The following TCTN1 variants were observed in gnomAD, a reference collection of about 807,000 sequenced individuals.
TCTN1 encodes tectonic family member 1, also known as tectonic-1.
In TCTN1, 58 loss-of-function variants were observed where a neutral mutation model predicts 65.8. The ratio of observed to expected loss-of-function variants is 0.88; its 90% CI spans 0.71 to 1.10. TCTN1 has a LOEUF of 1.10. TCTN1 is among the 50% of genes least tolerant of loss of function. The probability of loss-of-function intolerance (pLI) is 0.00; values close to 1 mark genes in which losing one functional copy is unlikely to be tolerated. For missense variants in TCTN1, 645 were observed against 719.4 expected (o/e 0.90, Z 1.18); for synonymous variants, 273 against 289.1 (o/e 0.94, Z 0.57).
chr12:110,622,141 AAAT>A (rs796163780), intron 2 of TCTN1, among the ~76,000 whole-genome samples: 1 of 149,832 alleles, frequency 6.7e-6, no homozygotes, highest in East Asian at 1.9e-4. Flanking sequence ...CCATAAAAAA[AAAT>A]AATAATAATA....
At chr12:110,648,796 GTTTATTTTATACAGTAGTTGT>G (rs1168597717) in intron 14 of TCTN1, 116 of 309,302 alleles carry the variant, frequency 3.8e-4, no homozygotes, top group African/African-American at 2.4e-3. Flanking sequence ...AAAAGAGAGA[GTTTATTTTATACAGTAGTTGT>G]TTTATTTTAT....
chr12:110,617,081 G>A (rs1000128821), intron 1 of TCTN1, among the ~76,000 whole-genome samples: 3 of 152,046 alleles, frequency 2.0e-5, no homozygotes, highest in Non-Finnish European at 1.5e-5. Flanking sequence ...TGCCTATAAG[G>A]GCTTTAAGTT....
In TCTN1 at chr12:110,634,430, A is replaced by C. The variant is rs1342015143; in HGVS notation, c.713-240A>C. 1.3e-5 allele frequency: 7 copies of C among 558,056 alleles called. No individual in the cohort carries two copies. The Admixed American group carries it at 1.5e-4, about 12-fold the overall frequency. 34.6% of individuals were successfully genotyped at this position (558,056 alleles called of 1,614,324 possible). A position where few individuals can be genotyped will look rare whatever the true frequency, so the allele number is the denominator to read the frequency against. On this transcript the variant is annotated intron_variant, in intron 5 of 14. Coordinates refer to ENST00000397659, the MANE Select transcript of TCTN1 (RefSeq NM_001082538.3). ...ACTGGTTCACACCTGTAATCCCAGCACTCTGGGAGGCCGAGGCGAGAGGAT... is the reference window on the plus strand; with the variant it reads ...ACTGGTTCACACCTGTAATCCCAGCCCTCTGGGAGGCCGAGGCGAGAGGAT...
chr12:110,629,185 G>C, intron 4 of TCTN1: 1 of 539,898 alleles, frequency 1.9e-6, no homozygotes. Flanking sequence ...ATAGACATGG[G>C]CAAAGACATC....
rs2067406469 is a variant in TCTN1, at chr12:110,647,432, A to G, written c.1635+96A>G. 4 of 1,513,632 alleles carry G rather than the reference A, an allele frequency of 2.6e-6. No individual in the cohort carries two copies. In the South Asian group the frequency reaches 3.4e-5, roughly 13 times the overall value. The allele number at this position is 1,513,632 out of a possible 1,614,324, so 93.8% of individuals were successfully genotyped here. The stretch of plus-strand genomic sequence containing the variant: ...CAGGTATTACTTTGTGAAAAAGATT[A>G]TAATTTAAACCATGGGGGTTCATAA... On this transcript the variant is annotated intron_variant, in intron 13 of 14. Coordinates refer to ENST00000397659, the MANE Select transcript of TCTN1 (RefSeq NM_001082538.3).
At chr12:110,630,774 T>C (rs1205252986) in intron 4 of TCTN1, among the ~76,000 whole-genome samples, 1 of 152,258 alleles carries the variant, frequency 6.6e-6, no homozygotes. Flanking sequence ...ATAAATCATG[T>C]GCATCTTCCC....
intron 4 of TCTN1, 117 bp from the exon 5 acceptor site, chr12:110,632,355 T>C (rs987734321): frequency 1.0e-6 from 1 of 991,240 alleles, no homozygotes; most frequent in African/African-American, 1.6e-5. Flanking sequence ...ATCTGTTTTT[T>C]GCTCATCAGT....
chr12:110,641,519 G>A (rs1270109600), intron 9 of TCTN1, 23 bp from the exon 10 acceptor site: 5 of 1,600,866 alleles, frequency 3.1e-6, no homozygotes, highest in Admixed American at 3.3e-5. Flanking sequence ...ATTATTTGGG[G>A]GCATTTCTGC....
intron 2 of TCTN1, among the ~76,000 whole-genome samples, chr12:110,622,337 A>G (rs988785676): frequency 4.0e-5 from 6 of 151,634 alleles, no homozygotes; most frequent in Admixed American, 6.6e-5. Context: ...CTTTCTCCCA[A>G]CCTTTCTTGA....
At chr12:110,632,655 C>A in intron 5 of TCTN1, 96 bp downstream of exon 5, 1 of 1,247,934 alleles carries the variant, frequency 8.0e-7, no homozygotes, top group Non-Finnish European at 1.2e-6. Context: ...AAGTAATGAC[C>A]AAAATCGCAA....
In TCTN1 at chr12:110,622,004, G is replaced by A. The variant is rs1030182696; in HGVS notation, c.341+2048G>A. 8.8e-4 allele frequency among the ~76,000 whole-genome samples: 134 copies of A among 152,030 alleles called. 1 individual carries two copies. Among genetic ancestry groups the A allele is most frequent in the African/African-American group, 3.1e-3 (127 of 41,482 alleles). ...AATACAAAAATCAGCTGGGCGTGGT[G>A]GTGGGTGCCTGTAATCCCAGCTACT... On this transcript the variant is annotated intron_variant, in intron 2 of 14. Transcript: ENST00000397659.
At chr12:110,622,408 A>G (rs1338571882) in intron 2 of TCTN1, among the ~76,000 whole-genome samples, 1 of 152,158 alleles carries the variant, frequency 6.6e-6, no homozygotes, top group Admixed American at 6.5e-5. Context: ...CCTGCCTTCA[A>G]AGAGCTTACC....
At chr12:110,614,505 A>G (rs1427217409) in intron 1 of TCTN1, 103 bp downstream of exon 1, 1 of 1,539,388 alleles carries the variant, frequency 6.5e-7, no homozygotes, top group African/African-American at 1.4e-5. Context: ...TTGAGCACTT[A>G]CTGTGTGCAG....
Position 110,649,406 on chromosome 12 carries a change from G to C in TCTN1, c.*365G>C, listed in dbSNP as rs746773382. On this transcript the variant is annotated 3_prime_UTR_variant, in exon 15 of 15. Coordinates refer to ENST00000397659, the MANE Select transcript of TCTN1 (RefSeq NM_001082538.3). ...TCTTCTTTTTGAGGGGAGCTGGTCC[G>C]GGTCTAGTTCACTTCACCAAGAAGT... 6.2e-7 allele frequency: 1 copy of C among 1,605,988 alleles called. No homozygotes were observed. The highest frequency in any genetic ancestry group is 8.5e-7 in the Non-Finnish European group (1 of 1,174,296).
At chr12:110,635,386 G>C (rs886876672) in intron 6 of TCTN1, among the ~76,000 whole-genome samples, 9 of 152,176 alleles carry the variant, frequency 5.9e-5, no homozygotes, top group African/African-American at 2.2e-4. Flanking sequence ...GGCTGAGGCA[G>C]GAGGATCACT....
chr12:110,627,867 TTC>T, intron 3 of TCTN1: 1 of 619,618 alleles, frequency 1.6e-6, no homozygotes, highest in Non-Finnish European at 2.8e-6. Context: ...ATTTGTCAAA[TTC>T]TGTCATATTT....
At position 110,640,373 on chromosome 12, in the gene TCTN1, C is replaced by T. The variant is rs1565998186; in HGVS notation, c.844-10C>T. 3 of 1,614,138 alleles carry T rather than the reference C, an allele frequency of 1.9e-6. No homozygotes were observed. Among genetic ancestry groups the T allele is most frequent in the East Asian group, 4.5e-5 (2 of 44,884 alleles). On this transcript the variant is annotated splice_polypyrimidine_tract_variant and intron_variant, in intron 7 of 14. Transcript: ENST00000397659. The surrounding 1 kb of genome is among the most constrained non-coding windows in gnomAD (Gnocchi z 4.9). ...GAGCATCTTCAACACTCCAGGTCTT[C>T]ACTCTGCAGGTCCCTATCACTGTTC...
chr12:110,632,428 T>C, intron 4 of TCTN1, 44 bp from the exon 5 acceptor site: 1 of 1,603,780 alleles, frequency 6.2e-7, no homozygotes, highest in Non-Finnish European at 8.5e-7. Flanking sequence ...GTTGAATGAA[T>C]ACTTTAATTA....
rs918989078 is a variant in TCTN1, at chr12:110,639,174, T to C, written c.844-1209T>C. Among the ~76,000 whole-genome samples, 2 of 152,238 alleles carry C rather than the reference T, an allele frequency of 1.3e-5. No homozygotes were observed. The highest frequency in any genetic ancestry group is 2.4e-5 in the African/African-American group (1 of 41,466). ...GCAAGTTCAAAGTGGTATAAACAAC[T>C]GTTAATAGATACATGAGGCTCCTTC... On this transcript the variant is annotated intron_variant, in intron 7 of 14. Transcript: ENST00000397659. This position sits in a 1 kb window ranked among gnomAD's most constrained non-coding sequence, Gnocchi z 4.9.
Sources: allele counts gnomAD v4.1 joint callset (sites outside exome capture counted in the v4.1 genomes callset), GRCh38; gene constraint gnomAD v4.1.1; non-coding constraint Gnocchi (gnomAD v3.1); transcripts MANE v1.5; gene names NCBI Gene and HGNC (gene_info 2026-07-23, HGNC 2026-07-21).